The following PRKN variants were observed in gnomAD, a reference collection of about 807,000 sequenced individuals.
PRKN encodes E3 ubiquitin-protein ligase parkin.
Under a neutral mutation model 59.5 loss-of-function variants are expected in PRKN, and 56 were observed. The observed-to-expected ratio is 0.94, with a 90% confidence interval of 0.76 to 1.18. The LOEUF (loss-of-function observed/expected upper bound fraction) is 1.18, where lower values mean the gene tolerates loss of function less well. Among genes scored for constraint, PRKN ranks in the 50% most tolerant of loss-of-function variants. The probability of loss-of-function intolerance (pLI) is 0.00; values close to 1 mark genes in which losing one functional copy is unlikely to be tolerated. For missense variants in PRKN, 657 were observed against 596.4 expected, an observed-to-expected ratio of 1.10 and a Z score of -1.06; for synonymous variants, 250 against 222.1, an observed-to-expected ratio of 1.13 and a Z score of -1.12.
At chr6:162,634,021 A>G (rs752871114) in intron 1 of PRKN, among the ~76,000 whole-genome samples, 7 of 152,306 alleles carry the variant, frequency 4.6e-5, no homozygotes, top group Non-Finnish European at 1.0e-4. Context: ...TGTGTCAACA[A>G]AACTAACCAG....
At chr6:162,501,070 T>C (rs547588111) in intron 1 of PRKN, among the ~76,000 whole-genome samples, 124 of 152,218 alleles carry the variant, frequency 8.1e-4, no homozygotes, top group African/African-American at 2.6e-3. Context: ...AGGGAGGTTG[T>C]GGCGAGACGA....
At chr6:162,612,192 C>CAAA (rs796515239) in intron 1 of PRKN, among the ~76,000 whole-genome samples, 155 of 64,678 alleles carry the variant, frequency 2.4e-3, no homozygotes, top group African/African-American at 3.5e-3. Flanking sequence ...GACTCCATCT[C>CAAA]AAAAAAAAAA....
At chr6:161,849,235 C>T (rs1051731001) in intron 6 of PRKN, among the ~76,000 whole-genome samples, 9 of 152,136 alleles carry the variant, frequency 5.9e-5, no homozygotes, top group East Asian at 1.9e-4. Context: ...TCCTAGTCTG[C>T]GTGACGGACC....
At chr6:162,148,112 T>C (rs1782106431) in intron 4 of PRKN, among the ~76,000 whole-genome samples, 1 of 152,226 alleles carries the variant, frequency 6.6e-6, no homozygotes, top group African/African-American at 2.4e-5. Context: ...TCCAGTTGAC[T>C]AGCCTTGTAG....
At chr6:162,418,064 A>C (rs1475823761) in intron 2 of PRKN, among the ~76,000 whole-genome samples, 1 of 152,212 alleles carries the variant, frequency 6.6e-6, no homozygotes. Flanking sequence ...ACAAATATTC[A>C]TGGTAGCATC....
At chr6:161,539,568 T>C (rs1779544932) in intron 9 of PRKN, among the ~76,000 whole-genome samples, 2 of 152,240 alleles carry the variant, frequency 1.3e-5, no homozygotes, top group South Asian at 4.1e-4. Context: ...ATAATAATTA[T>C]TGGTCACATT....
intron 2 of PRKN, among the ~76,000 whole-genome samples, chr6:162,395,062 C>G (rs1787408115): frequency 6.6e-6 from 1 of 152,140 alleles, no homozygotes; most frequent in Admixed American, 6.5e-5. Context: ...GATATACTAT[C>G]TCAATCAACT....
chr6:161,948,090 C>T (rs543808477), intron 6 of PRKN, among the ~76,000 whole-genome samples: 452 of 152,052 alleles, frequency 3.0e-3, no homozygotes, highest in Non-Finnish European at 5.7e-3. Flanking sequence ...GGTTCAAGCG[C>T]TTCTCCTGCC....
At chr6:162,402,660 CTTTT>C (rs35383927) in intron 2 of PRKN, among the ~76,000 whole-genome samples, 1 of 144,592 alleles carries the variant, frequency 6.9e-6, no homozygotes, top group Non-Finnish European at 1.5e-5. Flanking sequence ...CTTTTATTTC[CTTTT>C]TTTTTTTTTA....
At chr6:162,416,964 T>A (rs6938624) in intron 2 of PRKN, among the ~76,000 whole-genome samples, 11 of 152,068 alleles carry the variant, frequency 7.2e-5, no homozygotes, top group East Asian at 1.9e-4. Context: ...GCAGTTCTCC[T>A]AACTAAACAG....
intron 4 of PRKN, among the ~76,000 whole-genome samples, chr6:162,094,232 A>G (rs1052139758): frequency 3.9e-5 from 6 of 152,100 alleles, no homozygotes; most frequent in African/African-American, 9.7e-5. Context: ...GTTCATGCCT[A>G]TAAGTCCAAC....
At chr6:162,239,313 C>G (rs913856000) in intron 3 of PRKN, among the ~76,000 whole-genome samples, 1 of 152,120 alleles carries the variant, frequency 6.6e-6, no homozygotes, top group Non-Finnish European at 1.5e-5. Flanking sequence ...TTTCCTGGCT[C>G]TAATTTGTTT....
chr6:162,215,915 T>C (rs192113473), intron 3 of PRKN, among the ~76,000 whole-genome samples: 1 of 152,008 alleles, frequency 6.6e-6, no homozygotes, highest in African/African-American at 2.4e-5. Context: ...TGGTGGTGCA[T>C]GCCTGTAATC....
At chr6:161,719,988 CCA>C (rs1787152332) in intron 7 of PRKN, among the ~76,000 whole-genome samples, 1 of 152,174 alleles carries the variant, frequency 6.6e-6, no homozygotes, top group African/African-American at 2.4e-5. Context: ...TCGTGTAACT[CCA>C]GTTTTGCCTC....
chr6:161,577,006 G>T (rs1400879339), intron 7 of PRKN, among the ~76,000 whole-genome samples: 1 of 152,190 alleles, frequency 6.6e-6, no homozygotes, highest in Non-Finnish European at 1.5e-5. Flanking sequence ...GCCTGCAAAT[G>T]ATAAACGCCC....
intron 2 of PRKN, chr6:162,267,167 A>G (rs1780180635): frequency 1.3e-5 from 2 of 152,192 alleles, no homozygotes; most frequent in African/African-American, 4.8e-5. Flanking sequence ...TCTCAAACAG[A>G]TTTCAGTAGT....
chr6:161,721,497 T>TA (rs1374269969), intron 7 of PRKN, among the ~76,000 whole-genome samples: 1 of 152,188 alleles, frequency 6.6e-6, no homozygotes, highest in African/African-American at 2.4e-5. Flanking sequence ...ACTAGAGCTT[T>TA]AAGGCTAAGT....
At chr6:162,302,959 A>AACACACACACACACACACAC (rs1184692308) in intron 2 of PRKN, among the ~76,000 whole-genome samples, 18 of 48,280 alleles carry the variant, frequency 3.7e-4, no homozygotes, top group Non-Finnish European at 6.1e-4. Context: ...ATATGCCTTA[A>AACACACACACACACACACAC]ACATACACAC....
chr6:161,555,830 C>A (rs1214647131), intron 8 of PRKN, among the ~76,000 whole-genome samples: 2 of 152,160 alleles, frequency 1.3e-5, no homozygotes, highest in East Asian at 1.9e-4. Flanking sequence ...TTAATAAAAT[C>A]TAACTCCATT....
Sources: gnomAD v4.1 joint callset for allele counts (sites outside exome capture counted in the v4.1 genomes callset) on GRCh38, gnomAD v4.1.1 for gene constraint, MANE v1.5 for transcripts, NCBI Gene and HGNC (gene_info 2026-07-23, HGNC 2026-07-21) for gene names.